The following CNTN4 variants were observed in gnomAD, a reference collection of about 807,000 sequenced individuals.
CNTN4 encodes the protein contactin-4.
Under a neutral mutation model 122.5 loss-of-function variants are expected in CNTN4, and 77 were observed. The observed-to-expected ratio is 0.63, with a 90% CI of 0.52 to 0.76. The LOEUF (loss-of-function observed/expected upper bound fraction) is 0.76. Among genes scored for constraint, CNTN4 ranks in the 30% least tolerant of loss-of-function variants. The probability of loss-of-function intolerance (pLI) is 0.00; values close to 1 mark genes in which losing one functional copy is unlikely to be tolerated. For synonymous variants in CNTN4, 512 were observed against 447.0 expected, an observed-to-expected ratio of 1.15 and a Z score of -1.83; for missense variants, 1,256 against 1,259.1, an observed-to-expected ratio of 1.00 and a Z score of 0.04.
rs73807027 is a variant in CNTN4 at position 2,201,299 on chromosome 3, A to G, written c.-145+100660A>G. ...AAGAGAAGTTAAAAAAACTGCCTCA[A>G]TGAGTTCTTAATTGGGTACAAGATA... On this transcript the variant is annotated intron_variant, in intron 2 of 24. Transcript: ENST00000418658. Among the ~76,000 whole-genome samples the G allele has an allele frequency of 8.2e-3, 1,242 of 152,306 alleles. 15 individuals are homozygous for G. The highest frequency in any genetic ancestry group is 0.028 in the African/African-American group (1,172 of 41,558).
intron 3 of CNTN4, among the ~76,000 whole-genome samples, chr3:2,497,981 C>A (rs1271190870): frequency 1.3e-5 from 2 of 152,030 alleles, no homozygotes; most frequent in Admixed American, 1.3e-4. Flanking sequence ...CCATAATCAA[C>A]TATTACTAAA....
At chr3:2,844,228 C>G (rs1484137405) in intron 7 of CNTN4, among the ~76,000 whole-genome samples, 1 of 152,218 alleles carries the variant, frequency 6.6e-6, no homozygotes, top group Non-Finnish European at 1.5e-5. Flanking sequence ...CCATCCTTCT[C>G]CATCGCTTTC....
chr3:2,517,870 C>A (rs1028163154), intron 3 of CNTN4, among the ~76,000 whole-genome samples: 1 of 152,142 alleles, frequency 6.6e-6, no homozygotes, highest in Non-Finnish European at 1.5e-5. Context: ...TGGTCTCTGG[C>A]ATCTTTTTGA....
At chr3:2,432,775 G>T (rs1413308863) in intron 3 of CNTN4, among the ~76,000 whole-genome samples, 1 of 150,822 alleles carries the variant, frequency 6.6e-6, no homozygotes, top group Non-Finnish European at 1.5e-5. Flanking sequence ...TGCTGCTGCA[G>T]TGAACGTGGT....
At chr3:2,369,753 T>C (rs2045559351) in intron 3 of CNTN4, among the ~76,000 whole-genome samples, 1 of 152,112 alleles carries the variant, frequency 6.6e-6, no homozygotes, top group South Asian at 2.1e-4. Flanking sequence ...CATCTAATTG[T>C]AGAAATTACA....
intron 2 of CNTN4, among the ~76,000 whole-genome samples, chr3:2,245,226 C>A (rs2040097138): frequency 6.6e-6 from 1 of 151,954 alleles, no homozygotes; most frequent in African/African-American, 2.4e-5. Context: ...AAGATAAAGT[C>A]ACTGTATTTT....
At chr3:2,209,106 A>G (rs1456251421) in intron 2 of CNTN4, among the ~76,000 whole-genome samples, 1 of 152,174 alleles carries the variant, frequency 6.6e-6, no homozygotes, top group Non-Finnish European at 1.5e-5. Flanking sequence ...CCCAAATCTC[A>G]GTGTATTAAC....
At chr3:2,197,729 A>T (rs1364371304) in intron 2 of CNTN4, among the ~76,000 whole-genome samples, 2 of 152,130 alleles carry the variant, frequency 1.3e-5, no homozygotes, top group Non-Finnish European at 2.9e-5. Flanking sequence ...AAACTAGAGA[A>T]TTCTGTCCAG....
intron 3 of CNTN4, among the ~76,000 whole-genome samples, chr3:2,424,947 T>A (rs1252023803): frequency 6.6e-6 from 1 of 152,200 alleles, no homozygotes; most frequent in East Asian, 1.9e-4. Context: ...TTTGTTAGAG[T>A]TCTTTGTAGA....
intron 2 of CNTN4, among the ~76,000 whole-genome samples, chr3:2,262,601 A>G (rs2040878542): frequency 6.7e-6 from 1 of 149,500 alleles, no homozygotes; most frequent in Non-Finnish European, 1.5e-5. Flanking sequence ...GAGATACACA[A>G]AGATGTGATA....
chr3:2,561,276 ACT>A (rs2078942479), intron 3 of CNTN4, among the ~76,000 whole-genome samples: 1 of 152,138 alleles, frequency 6.6e-6, no homozygotes, highest in South Asian at 2.1e-4. Context: ...CAGAATTGGC[ACT>A]CTGCAGCACA....
intron 3 of CNTN4, among the ~76,000 whole-genome samples, chr3:2,466,970 C>CTTTCTTTTTTTTTTTTTTTTTTTTTTTTT (rs1392656721): frequency 2.6e-5 from 3 of 115,812 alleles, no homozygotes; most frequent in African/African-American, 1.0e-4. Context: ...TTCTTTCTTT[C>CTTTCTTTTTTTTTTTTTTTTTTTTTTTTT]TTTTTTTTTT....
At chr3:2,491,532 G>T (rs1411586803) in intron 3 of CNTN4, among the ~76,000 whole-genome samples, 1 of 152,120 alleles carries the variant, frequency 6.6e-6, no homozygotes, top group Admixed American at 6.5e-5. Context: ...GAAACTAGGA[G>T]AAGAAGTATT....
chr3:3,015,651 T>C lies in CNTN4; in HGVS notation c.1487-10451T>C, dbSNP rs1697676427. On this transcript the variant is annotated intron_variant, in intron 14 of 24. Coordinates refer to ENST00000418658, the MANE Select transcript of CNTN4 (RefSeq NM_175607.3). ...AGGTTAAACAGAAAAAGAGGGACAC[T>C]CTCCTTCTGCTGAGGTTTCAGCACC... 3.3e-5 allele frequency among the ~76,000 whole-genome samples: 5 copies of C among 152,096 alleles called. No homozygotes were observed. The South Asian group carries it at 1.0e-3, about 31-fold the overall frequency.
intron 16 of CNTN4, 78 bp from the exon 17 acceptor site, chr3:3,034,554 C>G: frequency 2.9e-6 from 4 of 1,392,476 alleles, no homozygotes; most frequent in Non-Finnish European, 4.1e-6. Flanking sequence ...TGGGTCAATG[C>G]CCCATTCAAG....
chr3:2,238,577 A>G (rs919589757), intron 2 of CNTN4, among the ~76,000 whole-genome samples: 4 of 151,756 alleles, frequency 2.6e-5, no homozygotes, highest in South Asian at 2.1e-4. Context: ...CCCTTCAGCT[A>G]TTTATTTGGC....
At chr3:2,495,028 T>A (rs1263184533) in intron 3 of CNTN4, among the ~76,000 whole-genome samples, 1 of 152,168 alleles carries the variant, frequency 6.6e-6, no homozygotes, top group Non-Finnish European at 1.5e-5. Context: ...CCTCGAGAGA[T>A]CTGGATATCA....
intron 13 of CNTN4, among the ~76,000 whole-genome samples, chr3:2,938,386 G>A (rs1375986665): frequency 2.6e-5 from 4 of 151,494 alleles, no homozygotes; most frequent in Non-Finnish European, 4.4e-5. Context: ...TTTAATCCTC[G>A]TAAAAATGTT....
At chr3:2,347,399 G>A (rs2044437501) in intron 3 of CNTN4, among the ~76,000 whole-genome samples, 1 of 139,228 alleles carries the variant, frequency 7.2e-6, no homozygotes. Context: ...AAGGCTATAA[G>A]GAAATACAAT....
Sources: allele counts gnomAD v4.1 joint callset (sites outside exome capture counted in the v4.1 genomes callset), GRCh38; gene constraint gnomAD v4.1.1; transcripts MANE v1.5; gene names NCBI Gene and HGNC (gene_info 2026-07-23, HGNC 2026-07-21).